Variants in AACS observed in about 807,000 individuals in gnomAD.
AACS encodes acetoacetyl-CoA synthetase.
A neutral mutation model predicts 83.1 loss-of-function variants in AACS; 69 were observed. That is an observed-to-expected ratio of 0.83 (90% confidence interval 0.68 to 1.01). The LOEUF (loss-of-function observed/expected upper bound fraction) is 1.01, where lower values mean the gene tolerates loss of function less well. Ranked by LOEUF, AACS falls within the 50% of genes least tolerant of loss-of-function variation. The pLI, the probability that AACS is intolerant of heterozygous loss-of-function variation, is 0.00. For missense variants in AACS, 866 were observed against 882.2 expected (o/e 0.98, Z 0.23); for synonymous variants, 333 against 343.4 (o/e 0.97, Z 0.33).
At chr12:125,110,909 G>A (rs1956941102) in intron 8 of AACS, among the ~76,000 whole-genome samples, 1 of 152,178 alleles carries the variant, frequency 6.6e-6, no homozygotes, top group Admixed American at 6.5e-5. Context: ...AATGTGGAAA[G>A]GAGCCAATGT....
At chr12:125,104,738 C>G (rs1441886561) in intron 7 of AACS, among the ~76,000 whole-genome samples, 1 of 152,162 alleles carries the variant, frequency 6.6e-6, no homozygotes, top group Non-Finnish European at 1.5e-5. Context: ...TGACCCTGTG[C>G]CAGTAACCTC....
rs371355911 is a variant in AACS at position 125,068,697 on chromosome 12, G to A, written c.133+2980G>A. On this transcript the variant is annotated intron_variant, in intron 1 of 17. Coordinates refer to ENST00000316519, the MANE Select transcript of AACS (RefSeq NM_023928.5). The stretch of plus-strand genomic sequence containing the variant: ...CCCTTTCATATTCCTGGCCCTGGAG[G>A]CTTTGGGCTTTGCTTGAAGATCCAG... 1.4e-4 allele frequency among the ~76,000 whole-genome samples: 21 copies of A among 152,218 alleles called. 1 individual carries two copies. The highest frequency in any genetic ancestry group is 5.1e-4 in the African/African-American group (21 of 41,550).
intron 3 of AACS, among the ~76,000 whole-genome samples, chr12:125,077,676 A>G (rs189241266): frequency 6.6e-6 from 1 of 152,126 alleles, no homozygotes; most frequent in East Asian, 1.9e-4. Flanking sequence ...GAAACAGTTG[A>G]CAATCTATAT....
intron 10 of AACS, chr12:125,120,624 CG>C (rs1957137389): frequency 6.6e-6 from 1 of 151,984 alleles, no homozygotes. Flanking sequence ...ATTGGTGTGT[CG>C]GGGAGGCAGG....
chr12:125,105,666 T>C (rs1956819242), intron 7 of AACS: 2 of 152,232 alleles, frequency 1.3e-5, no homozygotes, highest in Non-Finnish European at 2.9e-5. Context: ...GGACTCCCAC[T>C]GCAGTCCATC....
At chr12:125,092,725 T>TG (rs11381945) in intron 5 of AACS, 144,003 of 152,462 alleles carry the variant, frequency 0.94, 68,096 homozygotes, top group East Asian at 1. Flanking sequence ...GGGACTGACC[T>TG]AGACAGAAAC....
chr12:125,106,293 C>T (rs967422352), intron 7 of AACS, among the ~76,000 whole-genome samples: 3 of 152,228 alleles, frequency 2.0e-5, no homozygotes, highest in Admixed American at 2.0e-4. Context: ...TGGCTTGTGG[C>T]TTCTGCGGCT....
In AACS at chr12:125,129,279, G is replaced by C; in HGVS notation, c.1424-56G>C. The C allele has an allele frequency of 6.4e-7, 1 of 1,560,554 alleles. No homozygotes were observed. The highest frequency in any genetic ancestry group is 8.7e-7 in the Non-Finnish European group (1 of 1,155,238). On this transcript the variant is annotated intron_variant, in intron 13 of 17. Coordinates refer to ENST00000316519, the MANE Select transcript of AACS (RefSeq NM_023928.5). The surrounding 1 kb of genome is among the most constrained non-coding windows in gnomAD (Gnocchi z 4.3). The stretch of plus-strand genomic sequence containing the variant: ...ATAGCTTAAGAAAGAGAGAGAGACA[G>C]CCAGGGTGTGTGGCTGTGGTGTGTG...
chr12:125,098,863 T>C (rs1565937114), intron 5 of AACS, among the ~76,000 whole-genome samples: 1 of 152,232 alleles, frequency 6.6e-6, no homozygotes, highest in Non-Finnish European at 1.5e-5. Context: ...GTTTTTCTGG[T>C]GACTTTCACA....
At chr12:125,122,207 G>T (rs75516614) in intron 10 of AACS, 1 of 152,376 alleles carries the variant, frequency 6.6e-6, no homozygotes, top group Non-Finnish European at 1.5e-5. Flanking sequence ...GGGCTGATGC[G>T]GGGCTGGGGG....
At chr12:125,085,556 G>A (rs1275472745) in intron 3 of AACS, among the ~76,000 whole-genome samples, 5 of 152,178 alleles carry the variant, frequency 3.3e-5, no homozygotes, top group Non-Finnish European at 5.9e-5. Flanking sequence ...TCTGTTTCAC[G>A]GAATCACGCA....
At chr12:125,095,240 G>A (rs956046556) in intron 5 of AACS, among the ~76,000 whole-genome samples, 3 of 152,164 alleles carry the variant, frequency 2.0e-5, no homozygotes, top group Admixed American at 6.5e-5. Context: ...TTGGATGCTC[G>A]AGATCTTGAT....
At chr12:125,118,445 T>G in intron 9 of AACS, 196 bp from the exon 10 acceptor site, 1 of 630,090 alleles carries the variant, frequency 1.6e-6, no homozygotes, top group Non-Finnish European at 2.7e-6. Flanking sequence ...TTCATGCACA[T>G]GTGTGAATAT....
rs114180348 is a variant in AACS at position 125,087,974 on chromosome 12, C to T, written c.472+1531C>T. 8.1e-3 allele frequency among the ~76,000 whole-genome samples: 1,234 copies of T among 152,264 alleles called. 19 individuals carry two copies. The highest frequency in any genetic ancestry group is 0.028 in the African/African-American group (1,149 of 41,546). On this transcript the variant is annotated intron_variant, in intron 4 of 17. Coordinates refer to ENST00000316519, the MANE Select transcript of AACS (RefSeq NM_023928.5). The stretch of plus-strand genomic sequence containing the variant: ...TTGTCGGGGTTGCCTCCTCAGAGGC[C>T]GTTCCTGGTTAGCCTTCGAAAAATG...
At chr12:125,067,658 C>T (rs576407653) in intron 1 of AACS, among the ~76,000 whole-genome samples, 29 of 152,122 alleles carry the variant, frequency 1.9e-4, no homozygotes, top group East Asian at 5.8e-4. Flanking sequence ...CTCAGCCTCC[C>T]GAGTAGCTGG....
At position 125,142,759 on chromosome 12, in the gene AACS, C is replaced by G. The variant is rs541249531; in HGVS notation, c.*530C>G. The stretch of plus-strand genomic sequence containing the variant: ...CTAGGACCGGCGGGCTGGGTGTTCA[C>G]GTGTGTCTGTGTCATGGATGCAATG... On this transcript the variant is annotated 3_prime_UTR_variant, in exon 18 of 18. Coordinates refer to ENST00000316519, the MANE Select transcript of AACS (RefSeq NM_023928.5). 6.5e-6 allele frequency: 1 copy of G among 154,374 alleles called. No homozygotes were observed. The highest frequency in any genetic ancestry group is 6.3e-5 in the Admixed American group (1 of 15,780). 9.6% of individuals were successfully genotyped at this position (154,374 alleles called of 1,614,324 possible).
chr12:125,121,411 C>T (rs7133614), intron 10 of AACS: 55,697 of 151,982 alleles, frequency 0.37, 10,507 homozygotes, highest in East Asian at 0.45. Context: ...GGGGCAGGCA[C>T]AGTCCTCGTG....
intron 8 of AACS, among the ~76,000 whole-genome samples, chr12:125,109,715 C>T (rs201816450): frequency 1.3e-5 from 2 of 152,186 alleles, no homozygotes; most frequent in Admixed American, 6.5e-5. Context: ...GCAGCTCAGG[C>T]GGTGGCACGT....
At chr12:125,068,807 C>A (rs1471520886) in intron 1 of AACS, among the ~76,000 whole-genome samples, 1 of 150,942 alleles carries the variant, frequency 6.6e-6, no homozygotes, top group Non-Finnish European at 1.5e-5. Context: ...TTTGGGCTTT[C>A]ATTCTGCCCT....
Sources: allele counts gnomAD v4.1 joint callset (sites outside exome capture counted in the v4.1 genomes callset), GRCh38; gene constraint gnomAD v4.1.1; non-coding constraint Gnocchi (gnomAD v3.1); transcripts MANE v1.5; gene names NCBI Gene and HGNC (gene_info 2026-07-23, HGNC 2026-07-21).